EFHB: variants seen among roughly 807,000 people sequenced by gnomAD.
EFHB encodes the protein EF-hand domain-containing family member B.
A neutral mutation model predicts 87.2 loss-of-function variants in EFHB; 91 were observed. The observed-to-expected ratio is 1.04, with a 90% confidence interval of 0.88 to 1.24. The LOEUF (loss-of-function observed/expected upper bound fraction) is 1.24, where lower values mean the gene tolerates loss of function less well. EFHB is among the 50% of genes most tolerant of loss of function. The pLI is 0.00. For synonymous variants in EFHB, 325 were observed against 333.6 expected, an observed-to-expected ratio of 0.97 and a Z score of 0.28; for missense variants, 1,084 against 998.8, an observed-to-expected ratio of 1.09 and a Z score of -1.15.
intron 1 of EFHB, among the ~76,000 whole-genome samples, chr3:19,928,737 G>T (rs1695720200): frequency 6.6e-6 from 1 of 152,236 alleles, no homozygotes; most frequent in Non-Finnish European, 1.5e-5. Context: ...GAGCCACCGT[G>T]CCCGTCCAAA....
Position 19,933,882 on chromosome 3 carries a change from C to A in EFHB, c.137G>T (p.Ser46Ile). 1.2e-6 allele frequency: 2 copies of A among 1,613,990 alleles called. No homozygotes were observed. The highest frequency in any genetic ancestry group is 1.7e-6 in the Non-Finnish European group (2 of 1,179,888). ...LGKEDSRCGESPVVSNKCEGR... is the reference protein window; with the variant it reads ...LGKEDSRCGEIPVVSNKCEGR... ...CTCACACTTATTACTAACCACAGGG[C>A]TCTCCCCGCATCGGGAATCTTCTTT... Residue 46 changes from serine to isoleucine, a missense_variant, in exon 1 of 13, where the codon AGC becomes ATC. Ser to Ile is a moderately radical substitution (Grantham distance 142, BLOSUM62 -2). Transcript: ENST00000295824.
intron 1 of EFHB, among the ~76,000 whole-genome samples, chr3:19,944,989 A>C (rs1161426783): frequency 6.6e-6 from 1 of 152,256 alleles, no homozygotes; most frequent in African/African-American, 2.4e-5. Context: ...ATTTTAAGAC[A>C]GCCATTATAC....
chr3:19,907,369 AAAGT>A (rs1424162299), intron 5 of EFHB, among the ~76,000 whole-genome samples: 1 of 152,198 alleles, frequency 6.6e-6, no homozygotes, highest in African/African-American at 2.4e-5. Flanking sequence ...TAATATTTAG[AAAGT>A]AAGTAAGGAC....
At chr3:19,929,208 T>C (rs79666070) in intron 1 of EFHB, among the ~76,000 whole-genome samples, 1 of 26,320 alleles carries the variant, frequency 3.8e-5, no homozygotes, top group African/African-American at 1.0e-4. Context: ...TTTTTTTAAC[T>C]TTTTTTTTTT....
Position 19,914,135 on chromosome 3 carries a change from A to G in EFHB, c.1288+1168T>C, listed in dbSNP as rs80162562. On this transcript the variant is annotated intron_variant, in intron 5 of 12. Coordinates refer to ENST00000295824, the MANE Select transcript of EFHB (RefSeq NM_144715.4). ...ATTTTTTAATTTATTTTTTGTAGAT[A>G]GAGATTCTCACTATGTTGCCCAGGC... 1.9e-4 allele frequency among the ~76,000 whole-genome samples: 29 copies of G among 152,284 alleles called. 2 individuals carry two copies. In the East Asian group the frequency reaches 5.6e-3, roughly 29 times the overall value.
At chr3:19,883,576 C>A (rs1380559482) in intron 11 of EFHB, among the ~76,000 whole-genome samples, 2 of 152,110 alleles carry the variant, frequency 1.3e-5, no homozygotes. Context: ...TGTCTCCTCC[C>A]AAAATTTAGA....
At chr3:19,898,732 T>C (rs1694566363) in intron 8 of EFHB, 46 bp downstream of exon 8, 6 of 1,572,248 alleles carry the variant, frequency 3.8e-6, no homozygotes, top group Middle Eastern at 1.7e-4. Flanking sequence ...GGGGATTTTG[T>C]TGCTGTTTGT....
intron 1 of EFHB, among the ~76,000 whole-genome samples, chr3:19,924,371 G>A (rs1014592371): frequency 1.3e-5 from 2 of 151,910 alleles, no homozygotes; most frequent in South Asian, 4.2e-4. Context: ...ATGCCACCAC[G>A]CCCGGCTAAT....
intron 5 of EFHB, among the ~76,000 whole-genome samples, chr3:19,906,505 A>G (rs1694847564): frequency 6.6e-6 from 1 of 152,166 alleles, no homozygotes; most frequent in South Asian, 2.1e-4. Context: ...CCAAGGGGGT[A>G]AAAGACCTGT....
intron 1 of EFHB, chr3:19,940,971 A>G (rs879075990): frequency 3.2e-6 from 1 of 313,864 alleles, no homozygotes; most frequent in Non-Finnish European, 6.3e-6. Flanking sequence ...CATCGGTTTC[A>G]ATACCATGGG....
chr3:19,896,925 GCAA>G, intron 8 of EFHB, 84 bp from the exon 9 acceptor site: 1 of 1,262,876 alleles, frequency 7.9e-7, no homozygotes, highest in South Asian at 1.6e-5. Flanking sequence ...GAGAGATCTA[GCAA>G]CCTCTGTGAA....
chr3:19,922,854 T>C (rs921108805), intron 1 of EFHB, among the ~76,000 whole-genome samples: 1 of 152,212 alleles, frequency 6.6e-6, no homozygotes, highest in Non-Finnish European at 1.5e-5. Flanking sequence ...CTATGTGCTA[T>C]ATAAGTTTCA....
At chr3:19,940,813 C>G in intron 1 of EFHB, 1 of 382,046 alleles carries the variant, frequency 2.6e-6, no homozygotes, top group Non-Finnish European at 5.3e-6. Context: ...TGAAACTTGC[C>G]AAGCAGGTTG....
chr3:19,897,459 G>A (rs1694528757), intron 8 of EFHB, among the ~76,000 whole-genome samples: 1 of 152,004 alleles, frequency 6.6e-6, no homozygotes. Context: ...AGATGTGGCG[G>A]CTCGGTGGAT....
intron 9 of EFHB, among the ~76,000 whole-genome samples, chr3:19,892,889 T>TAATAAG (rs79080019): frequency 0.057 from 8,489 of 147,732 alleles, 368 homozygotes; most frequent in African/African-American, 0.11. Flanking sequence ...AATAAAATAA[T>TAATAAG]ATAAAATCAG....
chr3:19,924,851 C>T (rs949984711), intron 1 of EFHB, among the ~76,000 whole-genome samples: 1 of 151,900 alleles, frequency 6.6e-6, no homozygotes, highest in African/African-American at 2.4e-5. Flanking sequence ...TGAACATATA[C>T]CCTAAAACTT....
chr3:19,919,577 C>G (rs73190441), intron 3 of EFHB, among the ~76,000 whole-genome samples: 5,915 of 152,246 alleles, frequency 0.039, 370 homozygotes, highest in African/African-American at 0.13. Context: ...TGGAATGCAA[C>G]TAGGCTTTTA....
intron 9 of EFHB, chr3:19,896,425 G>A (rs954046781): frequency 1.8e-5 from 9 of 509,190 alleles, no homozygotes; most frequent in Non-Finnish European, 3.2e-5. Flanking sequence ...CTGTTAAGGG[G>A]CAAATAGTAA....
At chr3:19,915,250 C>T in intron 5 of EFHB, 53 bp downstream of exon 5, 1 of 1,209,934 alleles carries the variant, frequency 8.3e-7, no homozygotes, top group East Asian at 2.4e-5. Flanking sequence ...TTCCTCTTCA[C>T]AAATCCGAGA....
Sources: gnomAD v4.1 joint callset for allele counts (sites outside exome capture counted in the v4.1 genomes callset) on GRCh38, gnomAD v4.1.1 for gene constraint, MANE v1.5 for transcripts, NCBI Gene and HGNC (gene_info 2026-07-23, HGNC 2026-07-21) for gene names.